The following LRRC9 variants were observed in gnomAD, a reference collection of about 807,000 sequenced individuals.
LRRC9 encodes leucine-rich repeat-containing protein 9.
LRRC9 carries 122 observed loss-of-function variants against 63.2 expected under a neutral mutation model. That is an observed-to-expected ratio of 1.93 (90% CI 1.67 to 2.24). LRRC9 has a LOEUF of 2.24. Ranked by LOEUF, LRRC9 falls within the 30% of genes most tolerant of loss-of-function variation. The pLI, the probability that LRRC9 is intolerant of heterozygous loss-of-function variation, is 0.00. For synonymous variants in LRRC9, 366 were observed against 213.1 expected (o/e 1.72, Z -6.25); for missense variants, 1,071 against 627.7 (o/e 1.71, Z -7.55).
rs145816803 is a variant in LRRC9 at position 60,047,794 on chromosome 14, A to T, written c.3991-5271A>T. Among the ~76,000 whole-genome samples, 513 of 152,294 alleles carry T rather than the reference A, an allele frequency of 3.4e-3. 17 individuals carry two copies. In the East Asian group the frequency reaches 0.057, roughly 17 times the overall value. Reference sequence around the variant, plus strand: ...CTGAACTCAGCTCTGGATCAAGTGGATCTGATAGATATCTACAGAACTCTC... The same window carrying T: ...CTGAACTCAGCTCTGGATCAAGTGGTTCTGATAGATATCTACAGAACTCTC... On this transcript the variant is annotated intron_variant, in intron 29 of 31. Transcript: ENST00000445360.
At chr14:60,010,339 C>G (rs1286432141) in intron 23 of LRRC9, among the ~76,000 whole-genome samples, 2 of 152,198 alleles carry the variant, frequency 1.3e-5, no homozygotes, top group Non-Finnish European at 2.9e-5. Context: ...GGGGCTTGCA[C>G]CCTCTGAAGC....
rs959933750 is a variant in LRRC9, at chr14:60,040,319, A to G, written c.3990+8256A>G. On this transcript the variant is annotated intron_variant, in intron 29 of 31. Transcript: ENST00000445360. The stretch of plus-strand genomic sequence containing the variant: ...AGTTCAATTCCTGGATATCCTTGTT[A>G]ACTTTCTGTCTCGTTGATCTGTCTA... 4.6e-5 allele frequency among the ~76,000 whole-genome samples: 7 copies of G among 151,902 alleles called. No homozygotes were observed. The South Asian group carries it at 1.5e-3, about 32-fold the overall frequency.
chr14:59,928,984 G>A (rs1327878990), intron 3 of LRRC9, among the ~76,000 whole-genome samples: 1 of 152,054 alleles, frequency 6.6e-6, no homozygotes, highest in East Asian at 1.9e-4. Flanking sequence ...ACACCACCTA[G>A]GCAATATCAT....
At chr14:60,006,319 A>C in intron 21 of LRRC9, 78 bp from the exon 22 acceptor site, 1 of 607,230 alleles carries the variant, frequency 1.6e-6, no homozygotes, top group Non-Finnish European at 2.9e-6. Context: ...AATTACAATA[A>C]AATGACCAGC....
chr14:59,930,060 G>C lies in LRRC9; in HGVS notation c.268-858G>C, dbSNP rs898493318. ...ATAACAAACCTGCACATGCACCCCT[G>C]AACTTAAAATATAAGTTCAATAAAT... On this transcript the variant is annotated intron_variant, in intron 3 of 31. Transcript: ENST00000445360. The surrounding 1 kb of genome is among the most constrained non-coding windows in gnomAD (Gnocchi z 4.9). 6.6e-6 allele frequency among the ~76,000 whole-genome samples: 1 copy of C among 151,956 alleles called. No homozygotes were observed. Among genetic ancestry groups the C allele is most frequent in the Non-Finnish European group, 1.5e-5 (1 of 67,928 alleles).
intron 1 of LRRC9, among the ~76,000 whole-genome samples, chr14:59,921,050 A>G (rs1442572216): frequency 6.6e-6 from 1 of 152,230 alleles, no homozygotes; most frequent in Non-Finnish European, 1.5e-5. Flanking sequence ...TGCTTATAAT[A>G]CTACCAGAGA....
chr14:59,933,181 A>G (rs1382517320), intron 6 of LRRC9, among the ~76,000 whole-genome samples: 1 of 152,026 alleles, frequency 6.6e-6, no homozygotes, highest in Admixed American at 6.6e-5. Flanking sequence ...TTTCCCTCCC[A>G]ATTTAGGTGT....
intron 30 of LRRC9, among the ~76,000 whole-genome samples, chr14:60,055,406 G>A (rs1894195485): frequency 6.6e-6 from 1 of 151,856 alleles, no homozygotes; most frequent in Non-Finnish European, 1.5e-5. Context: ...AGTGACTTAA[G>A]ATGATTTCTT....
chr14:60,062,108 A>G (rs1234294945), intron 31 of LRRC9: 30 of 398,706 alleles, frequency 7.5e-5, no homozygotes, highest in Non-Finnish European at 1.2e-4. Context: ...GTATCTCTCC[A>G]TCTCTTTTAT....
At chr14:60,015,259 TA>T (rs77077975) in intron 23 of LRRC9, among the ~76,000 whole-genome samples, 128,176 of 152,120 alleles carry the variant, frequency 0.84, 54,577 homozygotes, top group Non-Finnish European at 0.9. Context: ...GAAATGCAAT[TA>T]AAAAATATTT....
At chr14:60,030,487 A>G (rs1328485451) in intron 28 of LRRC9, 1 of 151,996 alleles carries the variant, frequency 6.6e-6, no homozygotes, top group African/African-American at 2.4e-5. Flanking sequence ...GCATCCAGCT[A>G]CTCTGTCTAC....
intron 31 of LRRC9, chr14:60,059,171 G>C (rs1018425285): frequency 6.6e-5 from 10 of 151,948 alleles, no homozygotes; most frequent in African/African-American, 2.2e-4. Flanking sequence ...CACAGATATT[G>C]AGTTTTTTAC....
At chr14:59,991,391 G>A (rs937312911) in intron 17 of LRRC9, among the ~76,000 whole-genome samples, 2 of 152,152 alleles carry the variant, frequency 1.3e-5, no homozygotes, top group African/African-American at 4.8e-5. Context: ...CAGCATGAGC[G>A]ATGCAGAAGA....
chr14:59,974,560 T>C lies in LRRC9; in HGVS notation c.1507-16T>C, dbSNP rs917608023. 7 of 633,448 alleles carry C rather than the reference T, an allele frequency of 1.1e-5. No individual in the cohort carries two copies. Among genetic ancestry groups the C allele is most frequent in the South Asian group, 1.8e-5 (1 of 55,600 alleles). 39.2% of individuals were successfully genotyped at this position (633,448 alleles called of 1,614,324 possible). ...CAATTTTATAAAAATACTCAGACTT[T>C]GTTTTTTCTTTGCAGCTGCCTCTCA... is the stretch of plus-strand genomic sequence containing the variant. On this transcript the variant is annotated splice_polypyrimidine_tract_variant and intron_variant, in intron 12 of 31. Transcript: ENST00000445360.
At chr14:59,997,112 T>A (rs1888880200) in intron 17 of LRRC9, among the ~76,000 whole-genome samples, 1 of 152,052 alleles carries the variant, frequency 6.6e-6, no homozygotes, top group Non-Finnish European at 1.5e-5. Context: ...AGCAATAGGA[T>A]TATATATGTT....
In LRRC9 at chr14:60,032,155, A is replaced by G. The variant is rs570902244; in HGVS notation, c.3990+92A>G. 248 of 606,000 alleles carry G rather than the reference A, an allele frequency of 4.1e-4. 1 individual carries two copies. The African/African-American group carries it at 4.4e-3, about 11-fold the overall frequency. 37.5% of individuals were successfully genotyped at this position (606,000 alleles called of 1,614,324 possible). ...TGGTATTAGAAAGGGATTTAGTTTT[A>G]TGCTTCTGTATGCATAGCCAGTCAT... On this transcript the variant is annotated intron_variant, in intron 29 of 31. Coordinates refer to ENST00000445360, the Ensembl canonical transcript of LRRC9.
chr14:60,052,693 T>C (rs1031503807), intron 29 of LRRC9, among the ~76,000 whole-genome samples: 3 of 152,240 alleles, frequency 2.0e-5, no homozygotes, highest in African/African-American at 7.2e-5. Context: ...AGATGGATCA[T>C]GTAGTTCAGT....
At chr14:59,982,012 T>C (rs1297745255) in exon 16 of LRRC9, 1 of 702,568 alleles carries the variant, frequency 1.4e-6, no homozygotes, top group Non-Finnish European at 2.6e-6. Context: ...GTTTGGATGA[T>C]AAAACAATAC....
Position 60,017,352 on chromosome 14 carries a change from CTTTG to C in LRRC9, c.3317+566_3317+569del, listed in dbSNP as rs1890776097. ...GATGTTCTTTCATATTTGTTTCTCC[CTTTG>C]TTTTTCCTGTTGCACTGCCTAGAAC... On this transcript the variant is annotated intron_variant, in intron 24 of 31. Coordinates refer to ENST00000445360, the Ensembl canonical transcript of LRRC9. The surrounding 1 kb of genome is among the most constrained non-coding windows in gnomAD (Gnocchi z 4.0). Among the ~76,000 whole-genome samples the C allele has an allele frequency of 6.6e-6, 1 of 151,988 alleles. No individual in the cohort carries two copies. The highest frequency in any genetic ancestry group is 1.5e-5 in the Non-Finnish European group (1 of 67,970).
Sources: allele counts gnomAD v4.1 joint callset (sites outside exome capture counted in the v4.1 genomes callset), GRCh38; gene constraint gnomAD v4.1.1; non-coding constraint Gnocchi (gnomAD v3.1); transcripts MANE v1.5; gene names NCBI Gene and HGNC (gene_info 2026-07-23, HGNC 2026-07-21).